The following ASAP1 variants were observed in gnomAD, a reference collection of about 807,000 sequenced individuals.
The protein encoded by ASAP1 is arf-GAP with SH3 domain, ANK repeat and PH domain-containing protein 1.
In ASAP1, 43 loss-of-function variants were observed where a neutral mutation model predicts 145.2. That is an observed-to-expected ratio of 0.30 (90% confidence interval 0.23 to 0.38). The LOEUF is 0.38. Ranked by LOEUF, ASAP1 falls within the 10% of genes least tolerant of loss-of-function variation. The pLI is 1.00. For synonymous variants in ASAP1, 546 were observed against 515.5 expected (o/e 1.06, Z -0.80); for missense variants, 1,018 against 1,355.3 (o/e 0.75, Z 3.91).
At chr8:130,196,427 C>T (rs948103332) in intron 5 of ASAP1, among the ~76,000 whole-genome samples, 3 of 152,202 alleles carry the variant, frequency 2.0e-5, no homozygotes, top group Admixed American at 1.3e-4. Flanking sequence ...CCAAGCCCCT[C>T]TATGGGCCTG....
At chr8:130,072,827 G>GCGCGCGCGCGCGCGCA (rs1455885983) in intron 27 of ASAP1, among the ~76,000 whole-genome samples, 4 of 98,404 alleles carry the variant, frequency 4.1e-5, no homozygotes, top group African/African-American at 4.7e-5. Context: ...GTGTGTGTGC[G>GCGCGCGCGCGCGCGCA]CGCGGGGGGG....
intron 1 of ASAP1, among the ~76,000 whole-genome samples, chr8:130,423,743 T>C (rs1194900293): frequency 6.6e-6 from 1 of 152,262 alleles, no homozygotes; most frequent in Non-Finnish European, 1.5e-5. Context: ...AAAGTGGTTA[T>C]CTCTCATTGG....
intron 24 of ASAP1, among the ~76,000 whole-genome samples, chr8:130,105,019 T>C (rs1411902147): frequency 6.6e-6 from 1 of 152,178 alleles, no homozygotes; most frequent in Non-Finnish European, 1.5e-5. Context: ...CATGAAGATT[T>C]TATCACTTTC....
At chr8:130,377,324 C>T (rs1281532092) in intron 2 of ASAP1, among the ~76,000 whole-genome samples, 1 of 152,036 alleles carries the variant, frequency 6.6e-6, no homozygotes, top group Admixed American at 6.6e-5. Flanking sequence ...CAAATCACCA[C>T]TAAATACCTT....
At chr8:130,200,677 T>G (rs143872456) in intron 5 of ASAP1, among the ~76,000 whole-genome samples, 46 of 152,290 alleles carry the variant, frequency 3.0e-4, no homozygotes, top group African/African-American at 1.1e-3. Flanking sequence ...TTACTGTTGA[T>G]TTTTATTTTA....
intron 3 of ASAP1, among the ~76,000 whole-genome samples, chr8:130,291,336 G>GT (rs1821933057): frequency 6.6e-6 from 1 of 152,160 alleles, no homozygotes; most frequent in Admixed American, 6.5e-5. Flanking sequence ...AAATAATTCT[G>GT]TAAGACCTAG....
At chr8:130,155,566 C>CAGGCTGGT (rs1328326143) in intron 12 of ASAP1, among the ~76,000 whole-genome samples, 1 of 152,174 alleles carries the variant, frequency 6.6e-6, no homozygotes, top group Non-Finnish European at 1.5e-5. Flanking sequence ...CCATGTCGCC[C>CAGGCTGGT]AGGCTGGTGG....
At chr8:130,099,864 G>A (rs1179281663) in intron 24 of ASAP1, among the ~76,000 whole-genome samples, 1 of 151,712 alleles carries the variant, frequency 6.6e-6, no homozygotes, top group African/African-American at 2.4e-5. Context: ...ATTTTTATGG[G>A]AATAATATTC....
At chr8:130,311,189 T>C (rs1477606234) in intron 3 of ASAP1, among the ~76,000 whole-genome samples, 2 of 152,206 alleles carry the variant, frequency 1.3e-5, no homozygotes, top group African/African-American at 2.4e-5. Context: ...CAAAATGCCA[T>C]CTGTAGTTAT....
At chr8:130,216,050 A>G (rs1816909599) in intron 4 of ASAP1, among the ~76,000 whole-genome samples, 1 of 148,248 alleles carries the variant, frequency 6.7e-6, no homozygotes, top group Non-Finnish European at 1.5e-5. Context: ...AAAGGAAAAG[A>G]AAGAAAAGGA....
rs532861967 is a variant in ASAP1, at chr8:130,382,825, C to T, written c.59+19060G>A. ...GCGCACCACTGCACTTCAACCTGGG[C>T]GACAGAGCAAGACTGTCTCCAAAAA... On this transcript the variant is annotated intron_variant, in intron 2 of 29. Transcript: ENST00000518721. Among the ~76,000 whole-genome samples the T allele has an allele frequency of 1.6e-4, 23 of 148,214 alleles. 1 individual carries two copies. The highest frequency in any genetic ancestry group is 5.8e-4 in the African/African-American group (23 of 39,870).
chr8:130,439,662 C>A (rs1239704417), intron 1 of ASAP1, among the ~76,000 whole-genome samples: 1 of 152,064 alleles, frequency 6.6e-6, no homozygotes, highest in Non-Finnish European at 1.5e-5. Flanking sequence ...TTAAAAGCAT[C>A]TTCGAGGAGA....
intron 1 of ASAP1, among the ~76,000 whole-genome samples, chr8:130,433,966 T>C (rs75829698): frequency 0.02 from 3,074 of 152,308 alleles, 44 homozygotes; most frequent in Non-Finnish European, 0.028. Context: ...AGAGGCAATA[T>C]TGTATCGTGG....
intron 27 of ASAP1, among the ~76,000 whole-genome samples, chr8:130,074,177 A>G (rs1175460194): frequency 6.6e-6 from 1 of 152,032 alleles, no homozygotes; most frequent in Non-Finnish European, 1.5e-5. Context: ...ATTTGATGAT[A>G]TTAAGAAATT....
intron 12 of ASAP1, among the ~76,000 whole-genome samples, chr8:130,155,712 T>C (rs1189745077): frequency 1.3e-5 from 2 of 152,204 alleles, no homozygotes; most frequent in African/African-American, 4.8e-5. Context: ...CTAGACTGAA[T>C]TGCTGTGATC....
At chr8:130,149,442 A>G (rs1428685118) in intron 13 of ASAP1, among the ~76,000 whole-genome samples, 1 of 152,096 alleles carries the variant, frequency 6.6e-6, no homozygotes, top group Non-Finnish European at 1.5e-5. Context: ...TTTCAGGTGT[A>G]CACAGAAATG....
At chr8:130,395,856 G>A (rs973246821) in intron 2 of ASAP1, among the ~76,000 whole-genome samples, 1 of 152,014 alleles carries the variant, frequency 6.6e-6, no homozygotes, top group African/African-American at 2.4e-5. Flanking sequence ...AGTAGAGATG[G>A]GGTTTCACTA....
intron 13 of ASAP1, among the ~76,000 whole-genome samples, chr8:130,140,183 C>A (rs2097607008): frequency 6.6e-6 from 1 of 151,622 alleles, no homozygotes; most frequent in African/African-American, 2.4e-5. Flanking sequence ...TGGATGCACA[C>A]CATCACACCT....
intron 12 of ASAP1, among the ~76,000 whole-genome samples, chr8:130,154,765 C>T (rs571194441): frequency 6.6e-6 from 1 of 152,332 alleles, no homozygotes; most frequent in Non-Finnish European, 1.5e-5. Context: ...GAATCTGACA[C>T]CATCTAACCA....
Sources: gnomAD v4.1 joint callset for allele counts (sites outside exome capture counted in the v4.1 genomes callset) on GRCh38, gnomAD v4.1.1 for gene constraint, MANE v1.5 for transcripts, NCBI Gene and HGNC (gene_info 2026-07-23, HGNC 2026-07-21) for gene names.